Variants in B4GALNT4 observed in about 807,000 individuals in gnomAD.
The protein encoded by B4GALNT4 is beta-1,4-N-acetyl-galactosaminyltransferase 4.
Under a neutral mutation model 110.0 loss-of-function variants are expected in B4GALNT4, and 77 were observed. The ratio of observed to expected loss-of-function variants is 0.70; its 90% CI spans 0.58 to 0.85. The LOEUF (loss-of-function observed/expected upper bound fraction) is 0.85, where lower values mean the gene tolerates loss of function less well. B4GALNT4 is among the 40% of genes least tolerant of loss of function. B4GALNT4 has a pLI of 0.00. For missense variants in B4GALNT4, 1,575 were observed against 1,506.0 expected (o/e 1.05, Z -0.76); for synonymous variants, 785 against 655.5 (o/e 1.20, Z -3.02).
intron 14 of B4GALNT4, 126 bp from the exon 15 acceptor site, chr11:379,292 G>A (rs1795015462): frequency 1.8e-6 from 2 of 1,087,730 alleles, no homozygotes; most frequent in South Asian, 1.8e-5. Flanking sequence ...GGCAGGTGCT[G>A]TGCCGCGGAG....
At chr11:373,147 G>C in intron 5 of B4GALNT4, 31 bp downstream of exon 5, 1 of 1,612,458 alleles carries the variant, frequency 6.2e-7, no homozygotes. Flanking sequence ...CGGGGGAGGG[G>C]TGCCGTGAGG....
chr11:376,089 G>C lies in B4GALNT4; in HGVS notation c.1111G>C (p.Val371Leu). 6.2e-7 allele frequency: 1 copy of C among 1,608,088 alleles called. No individual in the cohort carries two copies. Reference protein sequence around the residue: ...QGLQFVYLSFVYPNDYTRLTH... With the variant: ...QGLQFVYLSFLYPNDYTRLTH... ...CACCCCCCAGGTGTACCTGTCCTTC[G>C]TTTATCCCAACGACTACACTCGCCT... is the stretch of plus-strand genomic sequence containing the variant. The change falls in exon 12 of 20, where the codon GTT (valine) becomes CTT (leucine). Residue 371 changes from valine to leucine, a missense_variant. Physicochemically the swap from Val to Leu is conservative, Grantham distance 32. Coordinates refer to ENST00000329962, the MANE Select transcript of B4GALNT4 (RefSeq NM_178537.5).
chr11:380,562 C>T (rs936153836), intron 18 of B4GALNT4, 117 bp downstream of exon 18: 19 of 1,426,826 alleles, frequency 1.3e-5, no homozygotes, highest in Non-Finnish European at 1.8e-5. Context: ...TCCATCAGTG[C>T]TCCCCGTAGT....
chr11:377,193 C>A lies in B4GALNT4; in HGVS notation c.2070C>A (p.Ala690=). 6.3e-7 allele frequency: 1 copy of A among 1,587,864 alleles called. No individual in the cohort carries two copies. The change falls in exon 14 of 20, where the codon GCC becomes GCA. Residue 690 remains alanine, a synonymous_variant. Transcript: ENST00000329962. ...GGCAGCGCACGTTCAGCGTGGGCGC[C>A]GTGGACTTCGAGCTGCTGCGCTCGG... is the stretch of plus-strand genomic sequence containing the variant. The part of the protein sequence containing the change: ...IDWQRTFSVG[A]VDFELLRSDW...
rs780853739 is a variant in B4GALNT4, at chr11:379,847, C to CA, written c.2489-19_2489-18insA. On this transcript the variant is annotated intron_variant, in intron 15 of 19. Transcript: ENST00000329962. Reference sequence around the variant, plus strand: ...GAGTCAGCGTCGGCTCAGCGCCCCCCCCGCCTTTTCTCCTCCAGTGAAAAA... The same window carrying CA: ...GAGTCAGCGTCGGCTCAGCGCCCCCCACCGCCTTTTCTCCTCCAGTGAAAAA... 23 of 1,578,110 alleles carry CA rather than the reference C, an allele frequency of 1.5e-5. No homozygotes were observed. The African/African-American group carries it at 3.1e-4, about 21-fold the overall frequency.
Position 379,608 on chromosome 11 carries a change from G to C in B4GALNT4, c.2395G>C (p.Ala799Pro). Reference protein sequence around the residue: ...ADGESPEPAPAASVRPDGRPE... With the variant: ...ADGESPEPAPPASVRPDGRPE... Reference sequence around the variant, plus strand: ...CGGAGAAAGTCCCGAACCCGCTCCCGCCGCCTCCGTGCGCCCCGACGGCCG... The same window carrying C: ...CGGAGAAAGTCCCGAACCCGCTCCCCCCGCCTCCGTGCGCCCCGACGGCCG... Residue 799 changes from alanine (A) to proline (P), a missense_variant, in exon 15 of 20, where the codon GCC (alanine) becomes CCC (proline). Ala to Pro is a conservative substitution (Grantham distance 27). Coordinates refer to ENST00000329962, the MANE Select transcript of B4GALNT4 (RefSeq NM_178537.5). The C allele has an allele frequency of 6.4e-7, 1 of 1,551,246 alleles. No individual in the cohort carries two copies. The highest frequency in any genetic ancestry group is 8.7e-7 in the Non-Finnish European group (1 of 1,151,906).
chr11:372,981 A>G, intron 4 of B4GALNT4, 34 bp downstream of exon 4: 1 of 1,507,210 alleles, frequency 6.6e-7, no homozygotes, highest in Non-Finnish European at 9.0e-7. Context: ...CCGGGTGGGC[A>G]GGGCACGCAG....
In B4GALNT4 at chr11:379,994, G is replaced by GC; in HGVS notation, c.2620dup (p.Leu874ProfsTer102). 6.2e-7 allele frequency: 1 copy of GC among 1,612,828 alleles called. No individual in the cohort carries two copies. Among genetic ancestry groups the GC allele is most frequent in the Non-Finnish European group, 8.5e-7 (1 of 1,179,722 alleles). On this transcript the variant is annotated frameshift_variant, in exon 16 of 20. Transcript: ENST00000329962. LOFTEE classifies it high-confidence loss of function. Reference sequence around the variant, plus strand: ...GAGCGAGGATATGGACGTGGAGCGGGCCCTGCGCGCCGCGCGCCTGCCCCG... The same window carrying GC: ...GAGCGAGGATATGGACGTGGAGCGGGCCCCTGCGCGCCGCGCGCCTGCCCCG...
chr11:371,542 C>T (rs1846618825), intron 1 of B4GALNT4, among the ~76,000 whole-genome samples: 1 of 152,226 alleles, frequency 6.6e-6, no homozygotes, highest in Admixed American at 6.5e-5. Context: ...ACACTCAATC[C>T]AGGGCCACCC....
Position 373,127 on chromosome 11 carries a change from G to A in B4GALNT4, c.535+11G>A. The A allele has an allele frequency of 6.2e-7, 1 of 1,612,618 alleles. No individual in the cohort carries two copies. The highest frequency in any genetic ancestry group is 1.1e-5 in the South Asian group (1 of 91,086). Reference sequence around the variant, plus strand: ...ACCCGGCGAGGGACGGTACGGGGGTGAGGGTGCCCCGGGGGAGGGGTGCCG... The same window carrying A: ...ACCCGGCGAGGGACGGTACGGGGGTAAGGGTGCCCCGGGGGAGGGGTGCCG... On this transcript the variant is annotated intron_variant, in intron 5 of 19. Transcript: ENST00000329962.
chr11:369,867 C>T lies in B4GALNT4; in HGVS notation c.64C>T (p.Leu22=). 1.0e-6 allele frequency: 1 copy of T among 996,322 alleles called. No individual in the cohort carries two copies. The highest frequency in any genetic ancestry group is 1.2e-6 in the Non-Finnish European group (1 of 838,094). 61.7% of individuals were successfully genotyped at this position (996,322 alleles called of 1,614,324 possible). ...QMKLLLLLLL[L]SCAAWLTYVH... is the part of the protein sequence containing the mutation. ...GAAGCTGCTGCTGCTGCTGCTGCTG[C>T]TGAGCTGCGCCGCGTGGCTCACCTA... Residue 22 remains leucine (L), a synonymous_variant, in exon 1 of 20, where the codon CTG becomes TTG. Coordinates refer to ENST00000329962, the MANE Select transcript of B4GALNT4 (RefSeq NM_178537.5).
chr11:380,833 G>A lies in B4GALNT4; in HGVS notation c.2878G>A (p.Glu960Lys). The change falls in exon 19 of 20, where the codon GAG becomes AAG. Residue 960 changes from glutamate (E) to lysine (K), a missense_variant. Transcript: ENST00000329962. ...TCACCCTCCCGCCCCAGGTTACTGG[G>A]AGGTGAACGGCTTTGGCCTTTTTGG... ...SSPRDPHGYW[E>K]VNGFGLFGIY... The A allele has an allele frequency of 6.2e-7, 1 of 1,613,874 alleles. No individual in the cohort carries two copies. The highest frequency in any genetic ancestry group is 1.1e-5 in the South Asian group (1 of 91,084).
At chr11:379,840 C>A in intron 15 of B4GALNT4, 26 bp from the exon 16 acceptor site, 1 of 1,563,984 alleles carries the variant, frequency 6.4e-7, no homozygotes. Context: ...GTCGGCTCAG[C>A]GCCCCCCCCG....
At chr11:374,618 G>A (rs1432311060) in intron 8 of B4GALNT4, among the ~76,000 whole-genome samples, 3 of 108,190 alleles carry the variant, frequency 2.8e-5, no homozygotes, top group Non-Finnish European at 5.8e-5. Flanking sequence ...TGGCCCTTAG[G>A]GGGCCAGCAG....
intron 1 of B4GALNT4, among the ~76,000 whole-genome samples, chr11:370,396 G>A (rs1482817888): frequency 1.3e-5 from 2 of 152,132 alleles, no homozygotes; most frequent in Non-Finnish European, 2.9e-5. Context: ...GTGTGCTGGG[G>A]ACCCGGGCCG....
At chr11:377,436 G>A (rs926170686) in intron 14 of B4GALNT4, 109 bp downstream of exon 14, 22 of 1,241,802 alleles carry the variant, frequency 1.8e-5, no homozygotes, top group East Asian at 3.1e-5. Context: ...GGGCCCAGTG[G>A]TGTACCGGCC....
chr11:372,789 A>G (rs1564867946), intron 3 of B4GALNT4, 35 bp downstream of exon 3: 1 of 214,142 alleles, frequency 4.7e-6, no homozygotes, highest in South Asian at 7.2e-5. Flanking sequence ...GCTGGGAGGC[A>G]GGGCGGGGGC....
In B4GALNT4 at chr11:380,202, G is replaced by A; in HGVS notation, c.2715G>A (p.Glu905=). The A allele has an allele frequency of 6.2e-7, 1 of 1,603,710 alleles. No homozygotes were observed. The highest frequency in any genetic ancestry group is 8.5e-7 in the Non-Finnish European group (1 of 1,173,264). The change falls in exon 17 of 20, where the codon GAG becomes GAA. Residue 905 remains glutamate, a splice_region_variant and synonymous_variant. Coordinates refer to ENST00000329962, the MANE Select transcript of B4GALNT4 (RefSeq NM_178537.5). ...AGLQAGVDAV[E]DASSIVFLCD... ...TGCAGGCGGGAGTGGACGCGGTAGA[G>A]GTCCGAGGGCCCCATGGGGGTCGGG...
intron 1 of B4GALNT4, 60 bp from the exon 2 acceptor site, chr11:372,049 C>A: frequency 7.1e-7 from 1 of 1,402,036 alleles, no homozygotes; most frequent in Non-Finnish European, 9.8e-7. Flanking sequence ...AACCCAGCAG[C>A]AGGCAGAATG....
Sources: gnomAD v4.1 joint callset for allele counts (sites outside exome capture counted in the v4.1 genomes callset) on GRCh38, gnomAD v4.1.1 for gene constraint, MANE v1.5 for transcripts, NCBI Gene and HGNC (gene_info 2026-07-23, HGNC 2026-07-21) for gene names.